Variants in TTLL5 observed in about 807,000 individuals in gnomAD.
The protein encoded by TTLL5 is tubulin polyglutamylase TTLL5.
Under a neutral mutation model 168.4 loss-of-function variants are expected in TTLL5, and 132 were observed. That is an observed-to-expected ratio of 0.78 (90% CI 0.68 to 0.91). The LOEUF is 0.91. Ranked by LOEUF, TTLL5 falls within the 40% of genes least tolerant of loss-of-function variation. The probability of loss-of-function intolerance (pLI) is 0.00; values close to 1 mark genes in which losing one functional copy is unlikely to be tolerated. For synonymous variants in TTLL5, 546 were observed against 558.6 expected, an observed-to-expected ratio of 0.98 and a Z score of 0.32; for missense variants, 1,545 against 1,581.5, an observed-to-expected ratio of 0.98 and a Z score of 0.39.
chr14:75,910,922 G>A (rs1213789378), intron 31 of TTLL5, among the ~76,000 whole-genome samples: 1 of 152,146 alleles, frequency 6.6e-6, no homozygotes, highest in African/African-American at 2.4e-5. Context: ...GAACATGCAG[G>A]TATTTCCAGT....
At chr14:75,945,707 A>T (rs1338338160) in intron 31 of TTLL5, among the ~76,000 whole-genome samples, 1 of 152,080 alleles carries the variant, frequency 6.6e-6, no homozygotes, top group Admixed American at 6.5e-5. Flanking sequence ...GGAAAGAAAA[A>T]ATGGGACAAC....
intron 31 of TTLL5, among the ~76,000 whole-genome samples, chr14:75,921,382 A>T (rs1003869897): frequency 2.6e-5 from 4 of 152,084 alleles, no homozygotes; most frequent in Admixed American, 6.5e-5. Flanking sequence ...TCTTTAATCC[A>T]TCTTGAATTA....
chr14:75,927,598 T>A (rs1461955267), intron 31 of TTLL5, among the ~76,000 whole-genome samples: 1 of 152,176 alleles, frequency 6.6e-6, no homozygotes. Flanking sequence ...AACAAATAAT[T>A]TGACTGCCTC....
chr14:75,671,502 A>G (rs973812511), intron 3 of TTLL5, among the ~76,000 whole-genome samples: 1 of 152,170 alleles, frequency 6.6e-6, no homozygotes, highest in Non-Finnish European at 1.5e-5. Context: ...TGCCATCTTA[A>G]TGATGTTTTC....
At chr14:75,901,501 T>C (rs574864836) in intron 30 of TTLL5, among the ~76,000 whole-genome samples, 1 of 152,326 alleles carries the variant, frequency 6.6e-6, no homozygotes, top group African/African-American at 2.4e-5. Context: ...CTGTGTACAT[T>C]TCTCAGTCTT....
At chr14:75,830,855 G>C (rs756810034) in intron 28 of TTLL5, among the ~76,000 whole-genome samples, 45 of 152,140 alleles carry the variant, frequency 3.0e-4, no homozygotes, top group Non-Finnish European at 1.2e-4. Flanking sequence ...GTTTATTGCA[G>C]TCTTCCTGCA....
chr14:75,840,917 T>C (rs1040782006), intron 28 of TTLL5, among the ~76,000 whole-genome samples: 1 of 152,154 alleles, frequency 6.6e-6, no homozygotes, highest in Non-Finnish European at 1.5e-5. Context: ...ATACAGGAAG[T>C]GTGGTGCCAG....
chr14:75,663,336 A>G (rs1890875502), intron 2 of TTLL5, 113 bp downstream of exon 2: 1 of 1,036,556 alleles, frequency 9.6e-7, no homozygotes, highest in Non-Finnish European at 1.4e-6. Context: ...TCTTTTATCT[A>G]GTGTCATTCC....
At chr14:75,885,223 G>A (rs2032046998) in intron 30 of TTLL5, among the ~76,000 whole-genome samples, 1 of 150,892 alleles carries the variant, frequency 6.6e-6, no homozygotes, top group South Asian at 2.1e-4. Flanking sequence ...AGGTGCGGTG[G>A]CTCACGCCTG....
intron 29 of TTLL5, among the ~76,000 whole-genome samples, chr14:75,875,076 G>A (rs2031373246): frequency 6.7e-6 from 1 of 149,952 alleles, no homozygotes; most frequent in Admixed American, 6.6e-5. Flanking sequence ...TGAGACTACA[G>A]GTGCCCACCA....
At chr14:75,799,097 A>G (rs1251487102) in intron 27 of TTLL5, among the ~76,000 whole-genome samples, 2 of 151,506 alleles carry the variant, frequency 1.3e-5, no homozygotes, top group Non-Finnish European at 2.9e-5. Flanking sequence ...GTTGTTGTCT[A>G]TCTCATTTCT....
chr14:75,694,212 A>G (rs967039944), intron 6 of TTLL5, among the ~76,000 whole-genome samples: 1 of 152,248 alleles, frequency 6.6e-6, no homozygotes, highest in Non-Finnish European at 1.5e-5. Context: ...AACCTGTAAA[A>G]GAGAACAATC....
chr14:75,737,522 T>G (rs1888985771), intron 15 of TTLL5: 1 of 1,515,594 alleles, frequency 6.6e-7, no homozygotes, highest in Admixed American at 2.1e-5. Flanking sequence ...TGTAGGCATA[T>G]TAGGAGAAGA....
intron 13 of TTLL5, among the ~76,000 whole-genome samples, chr14:75,733,311 G>A (rs1002332964): frequency 2.0e-5 from 3 of 152,106 alleles, no homozygotes; most frequent in Admixed American, 6.5e-5. Flanking sequence ...AGCGGCCAGA[G>A]CAGTTTGGTT....
At chr14:75,925,629 C>T (rs2034022732) in intron 31 of TTLL5, among the ~76,000 whole-genome samples, 1 of 152,016 alleles carries the variant, frequency 6.6e-6, no homozygotes, top group Non-Finnish European at 1.5e-5. Context: ...CAGAGACGCT[C>T]CTCACTTCCC....
chr14:75,694,836 C>G (rs1399832143), intron 6 of TTLL5, among the ~76,000 whole-genome samples: 2 of 152,208 alleles, frequency 1.3e-5, no homozygotes, highest in Non-Finnish European at 2.9e-5. Flanking sequence ...AATCAATACT[C>G]TTGTGATTTC....
At chr14:75,796,304 C>T (rs1892993961) in intron 27 of TTLL5, among the ~76,000 whole-genome samples, 1 of 152,020 alleles carries the variant, frequency 6.6e-6, no homozygotes, top group South Asian at 2.1e-4. Flanking sequence ...TGTTTGAGTT[C>T]CTTGTAGATT....
In TTLL5 at chr14:75,953,248, C is replaced by G. The variant is rs149815120; in HGVS notation, c.3824-1176C>G. Among the ~76,000 whole-genome samples, 910 of 152,324 alleles carry G rather than the reference C, an allele frequency of 6.0e-3. 9 individuals carry two copies. Among genetic ancestry groups the G allele is most frequent in the African/African-American group, 0.02 (850 of 41,566 alleles). On this transcript the variant is annotated intron_variant, in intron 31 of 31. Transcript: ENST00000298832. The stretch of plus-strand genomic sequence containing the variant: ...GAAATTGTAAACTGAGGCAATACTG[C>G]TCCACATGTAGAGGTGTGGAGAAGT...
chr14:75,864,160 T>G (rs2030306589), intron 29 of TTLL5, among the ~76,000 whole-genome samples: 1 of 152,196 alleles, frequency 6.6e-6, no homozygotes, highest in South Asian at 2.1e-4. Flanking sequence ...ATGATCTTAG[T>G]TTATAACCTC....
Sources: gnomAD v4.1 joint callset for allele counts (sites outside exome capture counted in the v4.1 genomes callset) on GRCh38, gnomAD v4.1.1 for gene constraint, MANE v1.5 for transcripts, NCBI Gene and HGNC (gene_info 2026-07-23, HGNC 2026-07-21) for gene names.